Variants in NRSN1 observed in about 807,000 individuals in gnomAD.
NRSN1 encodes the protein neurensin-1.
In NRSN1, 14 loss-of-function variants were observed where a neutral mutation model predicts 17.3. The ratio of observed to expected loss-of-function variants is 0.81; its 90% confidence interval spans 0.54 to 1.27. NRSN1 has a LOEUF of 1.27. Ranked by LOEUF, NRSN1 falls within the 50% of genes most tolerant of loss-of-function variation. The pLI is 0.00. For synonymous variants in NRSN1, 79 were observed against 94.2 expected (o/e 0.84, Z 0.93); for missense variants, 209 against 235.9 (o/e 0.89, Z 0.75).
At chr6:24,134,757 AATT>A (rs1270897376) in intron 3 of NRSN1, among the ~76,000 whole-genome samples, 5 of 152,226 alleles carry the variant, frequency 3.3e-5, no homozygotes, top group African/African-American at 1.2e-4. Flanking sequence ...TTGCCATATG[AATT>A]ATTATTATTG....
intron 3 of NRSN1, among the ~76,000 whole-genome samples, chr6:24,143,227 C>A (rs542407667): frequency 6.6e-6 from 1 of 152,276 alleles, no homozygotes; most frequent in South Asian, 2.1e-4. Context: ...AAACTCCTGA[C>A]CTCAGATGAT....
At chr6:24,141,366 TCTC>T in intron 3 of NRSN1, 1 of 640,892 alleles carries the variant, frequency 1.6e-6, no homozygotes, top group African/African-American at 1.9e-5. Context: ...TCCCAACTGC[TCTC>T]CTCACCTCCC....
intron 2 of NRSN1, chr6:24,129,266 T>C (rs575427331): frequency 2.6e-5 from 4 of 152,340 alleles, no homozygotes; most frequent in African/African-American, 7.2e-5. Context: ...AGGGCAGACC[T>C]GGCTCCACTC....
rs1760315332 is a variant in NRSN1 at position 24,146,827 on chromosome 6, G to C, written c.*881G>C. The C allele has an allele frequency of 6.6e-6, 1 of 152,282 alleles. No homozygotes were observed. The highest frequency in any genetic ancestry group is 2.1e-4 in the South Asian group (1 of 4,826). The allele number at this position is 152,282 out of a possible 1,614,324, so 9.4% of individuals were successfully genotyped here. A position where few individuals can be genotyped will look rare whatever the true frequency, so the allele number is the denominator to read the frequency against. On this transcript the variant is annotated 3_prime_UTR_variant, in exon 4 of 4. Coordinates refer to ENST00000378491, the MANE Select transcript of NRSN1 (RefSeq NM_080723.5). ...TTCAAAAGTACTGAATTAGAAACCA[G>C]GAAGTTTTAGTTCCTTCTACTACCT...
rs148128009 is a variant in NRSN1 at position 24,136,245 on chromosome 6, C to T, written c.189+1729C>T. ...TAATAAGCATTAGCTATATTAGCTA[C>T]TATTACTGGTTGCTGTATGAAGCAC... On this transcript the variant is annotated intron_variant, in intron 3 of 3. Transcript: ENST00000378491. Among the ~76,000 whole-genome samples, 197 of 152,238 alleles carry T rather than the reference C, an allele frequency of 1.3e-3. 2 individuals are homozygous for T. The highest frequency in any genetic ancestry group is 4.5e-3 in the African/African-American group (188 of 41,528).
intron 3 of NRSN1, among the ~76,000 whole-genome samples, chr6:24,142,581 T>A (rs1391533827): frequency 6.6e-6 from 1 of 152,104 alleles, no homozygotes; most frequent in Admixed American, 6.5e-5. Flanking sequence ...TGCCTCAGAC[T>A]CCCAAGTAGC....
chr6:24,137,186 G>C, intron 3 of NRSN1, among the ~76,000 whole-genome samples: 1 of 152,182 alleles, frequency 6.6e-6, no homozygotes, highest in East Asian at 1.9e-4. Context: ...ATAGGACTCT[G>C]CTCTTGAGGC....
chr6:24,134,517 G>T lies in NRSN1; in HGVS notation c.189+1G>T. On this transcript the variant is annotated splice_donor_variant, in intron 3 of 3. Coordinates refer to ENST00000378491, the MANE Select transcript of NRSN1 (RefSeq NM_080723.5). LOFTEE classifies it high-confidence loss of function. ...CAGGTGGAGCTCAGTATTCTGGAAG[G>T]TAAGGAAGGAGCATGTGTTTAACTT... 1 of 1,613,292 alleles carries T rather than the reference G, an allele frequency of 6.2e-7. No homozygotes were observed. Among genetic ancestry groups the T allele is most frequent in the Non-Finnish European group, 8.5e-7 (1 of 1,179,388 alleles).
intron 3 of NRSN1, among the ~76,000 whole-genome samples, chr6:24,143,803 C>T (rs1355515873): frequency 6.6e-6 from 1 of 152,136 alleles, no homozygotes; most frequent in Non-Finnish European, 1.5e-5. Context: ...TATAACTTTG[C>T]CAGATACAAG....
At chr6:24,140,260 G>A (rs1307742313) in intron 3 of NRSN1, among the ~76,000 whole-genome samples, 1 of 152,136 alleles carries the variant, frequency 6.6e-6, no homozygotes, top group Non-Finnish European at 1.5e-5. Flanking sequence ...AGAAAGGGAC[G>A]CAGAGCTGGA....
At position 24,139,220 on chromosome 6, in the gene NRSN1, T is replaced by C. The variant is rs187319185; in HGVS notation, c.189+4704T>C. On this transcript the variant is annotated intron_variant, in intron 3 of 3. Transcript: ENST00000378491. ...GAGATATTTGTCTTTCTGTGCCTGG[T>C]TTATTTCACTTGACATAATGTCCTG... Among the ~76,000 whole-genome samples the C allele has an allele frequency of 2.9e-3, 448 of 152,324 alleles. 2 individuals are homozygous for C. The highest frequency in any genetic ancestry group is 4.2e-3 in the Non-Finnish European group (283 of 68,024).
At chr6:24,134,275 G>C in intron 2 of NRSN1, 44 bp from the exon 3 acceptor site, 1 of 1,524,614 alleles carries the variant, frequency 6.6e-7, no homozygotes, top group Non-Finnish European at 9.0e-7. Context: ...TGATCCTGTG[G>C]CCAAAGCCTG....
At chr6:24,130,622 T>C (rs1486355562) in intron 2 of NRSN1, among the ~76,000 whole-genome samples, 1 of 152,192 alleles carries the variant, frequency 6.6e-6, no homozygotes, top group Non-Finnish European at 1.5e-5. Context: ...ACATACGTGA[T>C]ACTGAAGTAA....
intron 3 of NRSN1, among the ~76,000 whole-genome samples, chr6:24,137,522 T>C (rs866977153): frequency 1.3e-5 from 2 of 151,686 alleles, no homozygotes; most frequent in Admixed American, 6.6e-5. Context: ...AGATTGTTGT[T>C]GTTTTTTTTT....
chr6:24,134,620 C>T, intron 3 of NRSN1, 104 bp downstream of exon 3: 2 of 898,898 alleles, frequency 2.2e-6, no homozygotes, highest in Non-Finnish European at 3.4e-6. Flanking sequence ...GCTGTGTGTG[C>T]ATCACTCTTG....
chr6:24,127,731 C>A (rs1189422767), intron 1 of NRSN1, among the ~76,000 whole-genome samples: 4 of 151,904 alleles, frequency 2.6e-5, no homozygotes, highest in Non-Finnish European at 1.5e-5. Flanking sequence ...TAAGACCAAG[C>A]ACCAAAAAAG....
At chr6:24,142,715 C>G (rs1233923551) in intron 3 of NRSN1, among the ~76,000 whole-genome samples, 1 of 152,120 alleles carries the variant, frequency 6.6e-6, no homozygotes, top group African/African-American at 2.4e-5. Flanking sequence ...GATTTCTGGT[C>G]TCTCTGACTT....
intron 1 of NRSN1, among the ~76,000 whole-genome samples, chr6:24,126,803 T>C (rs1489843269): frequency 2.0e-5 from 3 of 152,200 alleles, no homozygotes; most frequent in Non-Finnish European, 2.9e-5. Context: ...TGTTTCAGTG[T>C]TTTGGCGTGA....
rs1009197050 is a variant in NRSN1, at chr6:24,147,296, T to C, written c.*1350T>C. 1.3e-5 allele frequency: 2 copies of C among 152,126 alleles called. No individual in the cohort carries two copies. Among genetic ancestry groups the C allele is most frequent in the African/African-American group, 4.8e-5 (2 of 41,430 alleles). 9.4% of individuals were successfully genotyped at this position (152,126 alleles called of 1,614,324 possible). On this transcript the variant is annotated 3_prime_UTR_variant, in exon 4 of 4. Coordinates refer to ENST00000378491, the MANE Select transcript of NRSN1 (RefSeq NM_080723.5). ...TTTTGTTTTAATGTATGGATTCAGA[T>C]TAGACTGAGAAAAATGGATGGTATT...
Sources: gnomAD v4.1 joint callset for allele counts (sites outside exome capture counted in the v4.1 genomes callset) on GRCh38, gnomAD v4.1.1 for gene constraint, MANE v1.5 for transcripts, NCBI Gene and HGNC (gene_info 2026-07-23, HGNC 2026-07-21) for gene names.